Variants in OSTF1 observed in about 807,000 individuals in gnomAD.
The protein encoded by OSTF1 is osteoclast-stimulating factor 1.
In OSTF1, 27 loss-of-function variants were observed where a neutral mutation model predicts 37.2. The ratio of observed to expected loss-of-function variants is 0.73; its 90% CI spans 0.54 to 1.00. The LOEUF (loss-of-function observed/expected upper bound fraction) is 1.00, where lower values mean the gene tolerates loss of function less well. Ranked by LOEUF, OSTF1 falls within the 50% of genes least tolerant of loss-of-function variation. The probability of loss-of-function intolerance (pLI) is 0.00; values close to 1 mark genes in which losing one functional copy is unlikely to be tolerated. For missense variants in OSTF1, 232 were observed against 253.8 expected (o/e 0.91, Z 0.58); for synonymous variants, 82 against 89.2 (o/e 0.92, Z 0.46).
intron 4 of OSTF1, among the ~76,000 whole-genome samples, chr9:75,131,184 G>C (rs77335833): frequency 0.048 from 7,300 of 152,286 alleles, 224 homozygotes; most frequent in Middle Eastern, 0.078. Flanking sequence ...GATAAACAAG[G>C]CTCCTGAGTT....
rs192228264 is a variant in OSTF1, at chr9:75,100,975, T to C, written c.34+12249T>C. 7.5e-3 allele frequency among the ~76,000 whole-genome samples: 1,144 copies of C among 152,288 alleles called. 10 individuals are homozygous for C. Among genetic ancestry groups the C allele is most frequent in the Middle Eastern group, 0.017 (5 of 294 alleles). On this transcript the variant is annotated intron_variant, in intron 1 of 9. Transcript: ENST00000346234. ...GTTCTCTGGGGAAATCCTAAAGGAC[T>C]CCATTCTCTTGTGCTTCCCTTCCTC...
chr9:75,141,193 C>T (rs1825937170), intron 9 of OSTF1, among the ~76,000 whole-genome samples: 1 of 151,440 alleles, frequency 6.6e-6, no homozygotes, highest in African/African-American at 2.4e-5. Context: ...CCCAGCTACT[C>T]AGGAGGCTGA....
intron 1 of OSTF1, among the ~76,000 whole-genome samples, chr9:75,103,369 A>G (rs902928216): frequency 6.6e-6 from 1 of 152,220 alleles, no homozygotes; most frequent in African/African-American, 2.4e-5. Context: ...CATTTTCCTG[A>G]TTGTATATGG....
At chr9:75,093,060 CTTTCTT>C (rs1825009443) in intron 1 of OSTF1, among the ~76,000 whole-genome samples, 6 of 134,906 alleles carry the variant, frequency 4.4e-5, no homozygotes, top group African/African-American at 3.1e-5. Flanking sequence ...CTCTTTCTTT[CTTTCTT>C]TTTTTTTTTT....
intron 1 of OSTF1, among the ~76,000 whole-genome samples, chr9:75,093,370 T>C (rs1028389368): frequency 6.6e-6 from 1 of 152,192 alleles, no homozygotes; most frequent in Non-Finnish European, 1.5e-5. Flanking sequence ...GTAAAATCTT[T>C]TTAAAAATAT....
At chr9:75,097,514 T>C (rs181721956) in intron 1 of OSTF1, among the ~76,000 whole-genome samples, 51 of 152,346 alleles carry the variant, frequency 3.3e-4, no homozygotes, top group Middle Eastern at 3.4e-3. Flanking sequence ...AACTGAGTTA[T>C]AATCAAGTTT....
At chr9:75,133,495 T>A in intron 6 of OSTF1, 94 bp downstream of exon 6, 1 of 741,146 alleles carries the variant, frequency 1.3e-6, no homozygotes, top group Non-Finnish European at 2.3e-6. Flanking sequence ...AGGAAAAGCA[T>A]TGGCTATTCT....
intron 9 of OSTF1, among the ~76,000 whole-genome samples, chr9:75,143,793 C>A (rs1587482623): frequency 2.6e-5 from 4 of 152,086 alleles, no homozygotes; most frequent in Admixed American, 2.6e-4. Context: ...CGTGCTATGC[C>A]CAGAGGTGGG....
intron 8 of OSTF1, among the ~76,000 whole-genome samples, chr9:75,139,058 T>TTTCTTTCTTTCTTTC (rs1587477768): frequency 2.1e-5 from 1 of 47,242 alleles, no homozygotes; most frequent in Non-Finnish European, 4.8e-5. Flanking sequence ...TTCTTTCTTT[T>TTTCTTTCTTTCTTTC]TTTTTTGAAA....
chr9:75,142,290 C>A (rs962991711), intron 9 of OSTF1, among the ~76,000 whole-genome samples: 1 of 152,062 alleles, frequency 6.6e-6, no homozygotes, highest in South Asian at 2.1e-4. Context: ...GATTGAGAAG[C>A]CATATTTGCA....
chr9:75,100,487 T>G (rs536663414), intron 1 of OSTF1, among the ~76,000 whole-genome samples: 1 of 152,178 alleles, frequency 6.6e-6, no homozygotes, highest in South Asian at 2.1e-4. Context: ...CCCAACAGTT[T>G]GGGAGGCTGA....
intron 1 of OSTF1, among the ~76,000 whole-genome samples, chr9:75,106,992 A>G (rs1825298848): frequency 7.1e-6 from 1 of 139,904 alleles, no homozygotes; most frequent in Non-Finnish European, 1.6e-5. Context: ...AAAAAGAAAA[A>G]AAAAAAAAAG....
intron 1 of OSTF1, among the ~76,000 whole-genome samples, chr9:75,105,228 A>C (rs1287643255): frequency 6.6e-6 from 1 of 152,182 alleles, no homozygotes; most frequent in African/African-American, 2.4e-5. Flanking sequence ...GCAGATCTTC[A>C]TGCTGTGGCC....
chr9:75,119,965 T>TAA (rs201097240), intron 2 of OSTF1, among the ~76,000 whole-genome samples: 2 of 136,738 alleles, frequency 1.5e-5, no homozygotes, highest in African/African-American at 2.6e-5. Flanking sequence ...TCCGTCTTAA[T>TAA]AAAAAAAAAA....
chr9:75,104,755 G>C (rs1376405772), intron 1 of OSTF1, among the ~76,000 whole-genome samples: 1 of 152,138 alleles, frequency 6.6e-6, no homozygotes, highest in East Asian at 1.9e-4. Flanking sequence ...ACTGCGCTCA[G>C]TATTTCACAC....
chr9:75,094,501 G>T (rs1270296959), intron 1 of OSTF1, among the ~76,000 whole-genome samples: 15 of 151,880 alleles, frequency 9.9e-5, no homozygotes, highest in Non-Finnish European at 1.5e-5. Context: ...CCTCCCTTCT[G>T]GAAATACTGG....
At chr9:75,110,196 A>G (rs1587448908) in intron 1 of OSTF1, among the ~76,000 whole-genome samples, 1 of 152,282 alleles carries the variant, frequency 6.6e-6, no homozygotes, top group South Asian at 2.1e-4. Context: ...AAACCATTAG[A>G]GTATCATACA....
intron 1 of OSTF1, among the ~76,000 whole-genome samples, chr9:75,113,159 T>C (rs1333532004): frequency 6.6e-6 from 1 of 152,138 alleles, no homozygotes; most frequent in Non-Finnish European, 1.5e-5. Flanking sequence ...TGAGCTGCTC[T>C]TCTATATTAA....
chr9:75,106,756 C>G (rs2118452589), intron 1 of OSTF1, among the ~76,000 whole-genome samples: 1 of 147,892 alleles, frequency 6.8e-6, no homozygotes, highest in South Asian at 2.2e-4. Context: ...GAGATCAAGA[C>G]CATCCTGGCC....
Sources: gnomAD v4.1 joint callset for allele counts (sites outside exome capture counted in the v4.1 genomes callset) on GRCh38, gnomAD v4.1.1 for gene constraint, MANE v1.5 for transcripts, NCBI Gene and HGNC (gene_info 2026-07-23, HGNC 2026-07-21) for gene names.